SGPL1: variants seen among roughly 807,000 people sequenced by gnomAD.
The protein encoded by SGPL1 is SP-lyase 1.
Under a neutral mutation model 68.9 loss-of-function variants are expected in SGPL1, and 37 were observed. That is an observed-to-expected ratio of 0.54 (90% CI 0.41 to 0.71). The LOEUF is 0.71. SGPL1 is among the 30% of genes least tolerant of loss of function. The pLI, the probability that SGPL1 is intolerant of heterozygous loss-of-function variation, is 0.00. For missense variants in SGPL1, 551 were observed against 704.6 expected (o/e 0.78, Z 2.47); for synonymous variants, 236 against 248.5 (o/e 0.95, Z 0.47).
chr10:70,853,035 C>CTT (rs939773688), intron 4 of SGPL1, among the ~76,000 whole-genome samples: 4 of 152,162 alleles, frequency 2.6e-5, no homozygotes, highest in African/African-American at 9.7e-5. Flanking sequence ...CTCTCTGTCA[C>CTT]TTTTTGTCTG....
chr10:70,868,855 A>G (rs1846241476), intron 8 of SGPL1, among the ~76,000 whole-genome samples: 1 of 152,222 alleles, frequency 6.6e-6, no homozygotes, highest in Non-Finnish European at 1.5e-5. Context: ...CTCTCTGGGA[A>G]AACTTTAGTG....
chr10:70,840,578 G>C (rs1845699082), intron 2 of SGPL1, among the ~76,000 whole-genome samples: 2 of 152,046 alleles, frequency 1.3e-5, no homozygotes, highest in Non-Finnish European at 2.9e-5. Context: ...ATGATGCCAG[G>C]AGATGTAATT....
intron 3 of SGPL1, among the ~76,000 whole-genome samples, chr10:70,849,539 A>G (rs1175520631): frequency 6.6e-6 from 1 of 152,198 alleles, no homozygotes; most frequent in East Asian, 1.9e-4. Context: ...TGTCTTAGTT[A>G]CCTGGTTTTG....
chr10:70,872,004 T>C lies in SGPL1; in HGVS notation c.1059+18T>C. On this transcript the variant is annotated intron_variant, in intron 11 of 14. Coordinates refer to ENST00000373202, the MANE Select transcript of SGPL1 (RefSeq NM_003901.4). ...CCCATAAGGTGAGCTAAGGAGGAGATCAAGTGTTACCAGTTGATTATTTTG... is the reference window on the plus strand; with the variant it reads ...CCCATAAGGTGAGCTAAGGAGGAGACCAAGTGTTACCAGTTGATTATTTTG... 6.2e-7 allele frequency: 1 copy of C among 1,608,214 alleles called. No homozygotes were observed. Among genetic ancestry groups the C allele is most frequent in the Non-Finnish European group, 8.5e-7 (1 of 1,177,866 alleles).
Position 70,868,415 on chromosome 10 carries a change from G to C in SGPL1, c.686G>C (p.Gly229Ala), listed in dbSNP as rs1846233359. Residue 229 changes from glycine to alanine, a missense_variant, in exon 8 of 15, where the codon GGG becomes GCG. Coordinates refer to ENST00000373202, the MANE Select transcript of SGPL1 (RefSeq NM_003901.4). Reference protein sequence around the residue: ...KAYRDLAFEKGIKTPEIVAPQ... With the variant: ...KAYRDLAFEKAIKTPEIVAPQ... ...TATCGGGATCTGGCCTTTGAGAAGG[G>C]GATCAAAACTCCAGAAATGTATGTA... 1 of 1,613,608 alleles carries C rather than the reference G, an allele frequency of 6.2e-7. No individual in the cohort carries two copies. The highest frequency in any genetic ancestry group is 8.5e-7 in the Non-Finnish European group (1 of 1,179,680).
chr10:70,851,041 A>G lies in SGPL1; in HGVS notation c.194-102A>G, dbSNP rs1014399150. On this transcript the variant is annotated intron_variant, in intron 3 of 14. Coordinates refer to ENST00000373202, the MANE Select transcript of SGPL1 (RefSeq NM_003901.4). ...TTTTAAACGAAAGAAACTCTTTGCA[A>G]TTGGAAGGCAAGTGAGGTGGAAGAC... 46 of 871,774 alleles carry G rather than the reference A, an allele frequency of 5.3e-5. No homozygotes were observed. The Admixed American group carries it at 7.2e-4, about 14-fold the overall frequency. The allele number at this position is 871,774 out of a possible 1,614,324, so 54.0% of individuals were successfully genotyped here.
At chr10:70,847,001 A>C (rs141973633) in intron 3 of SGPL1, among the ~76,000 whole-genome samples, 3 of 152,282 alleles carry the variant, frequency 2.0e-5, no homozygotes, top group Non-Finnish European at 4.4e-5. Context: ...TCTGATACTT[A>C]TCTGCTTTTA....
At chr10:70,851,259 C>G in intron 4 of SGPL1, 49 bp downstream of exon 4, 3 of 1,399,816 alleles carry the variant, frequency 2.1e-6, no homozygotes, top group Non-Finnish European at 2.0e-6. Flanking sequence ...ATAATCATAC[C>G]TCTTTCTTTC....
In SGPL1 at chr10:70,878,506, A is replaced by G. The variant is rs1416763239; in HGVS notation, c.*1171A>G. On this transcript the variant is annotated 3_prime_UTR_variant, in exon 15 of 15. Coordinates refer to ENST00000373202, the MANE Select transcript of SGPL1 (RefSeq NM_003901.4). ...ACCCTATCCTGGGCTGGTGATGAGC[A>G]GAAATCAGACCTTTTTCTATGCTTT... 2.0e-5 allele frequency: 3 copies of G among 152,256 alleles called. No homozygotes were observed. Among genetic ancestry groups the G allele is most frequent in the African/African-American group, 7.2e-5 (3 of 41,458 alleles). The allele number at this position is 152,256 out of a possible 1,614,324, so 9.4% of individuals were successfully genotyped here.
chr10:70,832,310 G>A (rs934362372), intron 2 of SGPL1, among the ~76,000 whole-genome samples: 3 of 152,180 alleles, frequency 2.0e-5, no homozygotes, highest in African/African-American at 7.2e-5. Flanking sequence ...AGGCTTACGT[G>A]TTGGAAATCT....
intron 9 of SGPL1, among the ~76,000 whole-genome samples, chr10:70,870,599 T>C (rs1029107167): frequency 1.3e-5 from 2 of 152,180 alleles, no homozygotes; most frequent in African/African-American, 4.8e-5. Context: ...GCCTCACATT[T>C]GTGTAGAGGA....
intron 2 of SGPL1, among the ~76,000 whole-genome samples, chr10:70,818,404 G>A (rs371297266): frequency 2.2e-4 from 33 of 152,308 alleles, no homozygotes; most frequent in South Asian, 2.1e-3. Context: ...ACTTACAGGC[G>A]TGAGCCGCCG....
chr10:70,830,837 T>TA (rs1845521992), intron 2 of SGPL1, among the ~76,000 whole-genome samples: 1 of 152,170 alleles, frequency 6.6e-6, no homozygotes, highest in African/African-American at 2.4e-5. Context: ...TCGAAAGTAA[T>TA]ATCCTGACTC....
chr10:70,869,757 T>G, intron 8 of SGPL1, 35 bp from the exon 9 acceptor site: 38 of 1,542,186 alleles, frequency 2.5e-5, no homozygotes, highest in Non-Finnish European at 3.2e-5. Flanking sequence ...TATTTTGGCC[T>G]GAGTTACATT....
intron 2 of SGPL1, among the ~76,000 whole-genome samples, chr10:70,838,034 A>G (rs1261999920): frequency 2.0e-5 from 3 of 152,182 alleles, no homozygotes; most frequent in Non-Finnish European, 4.4e-5. Flanking sequence ...ATCACCTCTT[A>G]AAGATCCCAC....
chr10:70,868,308 G>T, intron 7 of SGPL1, 37 bp from the exon 8 acceptor site: 1 of 1,478,522 alleles, frequency 6.8e-7, no homozygotes, highest in South Asian at 1.2e-5. Context: ...GGGCATTCCT[G>T]ACTCCCCCAA....
At chr10:70,828,015 A>G (rs892861172) in intron 2 of SGPL1, among the ~76,000 whole-genome samples, 4 of 152,330 alleles carry the variant, frequency 2.6e-5, no homozygotes, top group South Asian at 2.1e-4. Flanking sequence ...TAACTATATT[A>G]TAACTAATTT....
intron 6 of SGPL1, among the ~76,000 whole-genome samples, chr10:70,858,613 G>C (rs949854603): frequency 1.1e-4 from 16 of 152,166 alleles, no homozygotes; most frequent in African/African-American, 3.9e-4. Flanking sequence ...AAATCTTTCA[G>C]TAGCTTCCCA....
chr10:70,820,994 G>A (rs1400473559), intron 2 of SGPL1, among the ~76,000 whole-genome samples: 1 of 152,180 alleles, frequency 6.6e-6, no homozygotes, highest in Admixed American at 6.5e-5. Flanking sequence ...ACCTGGAGAT[G>A]ACCTGGAGTC....
Sources: gnomAD v4.1 joint callset for allele counts (sites outside exome capture counted in the v4.1 genomes callset) on GRCh38, gnomAD v4.1.1 for gene constraint, MANE v1.5 for transcripts, NCBI Gene and HGNC (gene_info 2026-07-23, HGNC 2026-07-21) for gene names.